Variants in LLGL1 observed in about 807,000 individuals in gnomAD.
LLGL1 encodes the protein LLGL scribble cell polarity complex component 1.
LLGL1 carries 58 observed loss-of-function variants against 110.6 expected under a neutral mutation model. That is an observed-to-expected ratio of 0.52 (90% CI 0.42 to 0.65). The LOEUF is 0.65. Among genes scored for constraint, LLGL1 ranks in the 30% least tolerant of loss-of-function variants. LLGL1 has a pLI of 0.00. For missense variants in LLGL1, 1,229 were observed against 1,462.1 expected (o/e 0.84, Z 2.60); for synonymous variants, 674 against 607.2 (o/e 1.11, Z -1.62).
rs2047842931 is a variant in LLGL1 at position 18,241,903 on chromosome 17, C to T, written c.2786C>T (p.Pro929Leu). ...RHGQGFYLIS[P>L]SEFERFSLSA... The stretch of plus-strand genomic sequence containing the variant: ...CACCCAGGCTTTTACCTGATATCCC[C>T]ATCAGAATTTGAACGCTTCTCCCTA... The change falls in exon 19 of 23, where the codon CCA becomes CTA. Residue 929 changes from proline to leucine, a missense_variant. Transcript: ENST00000316843. 6.2e-7 allele frequency: 1 copy of T among 1,613,788 alleles called. No homozygotes were observed. Among genetic ancestry groups the T allele is most frequent in the African/African-American group, 1.3e-5 (1 of 74,932 alleles).
In LLGL1 at chr17:18,244,331, T is replaced by G. The variant is rs1207209885; in HGVS notation, c.*425T>G. On this transcript the variant is annotated 3_prime_UTR_variant, in exon 23 of 23. Coordinates refer to ENST00000316843, the MANE Select transcript of LLGL1 (RefSeq NM_004140.4). ...ATCTCTGCTCACTGCAAGCCCCGCC[T>G]TCTGGGTTCCCGCCATTCTTCTGCC... The G allele has an allele frequency of 5.3e-5, 8 of 151,574 alleles. No homozygotes were observed. Among genetic ancestry groups the G allele is most frequent in the Admixed American group, 1.3e-4 (2 of 15,222 alleles). The allele number at this position is 151,574 out of a possible 1,614,324, so 9.4% of individuals were successfully genotyped here. A position where few individuals can be genotyped will look rare whatever the true frequency, so the allele number is the denominator to read the frequency against.
chr17:18,243,684 C>T (rs1331620184), intron 22 of LLGL1, among the ~76,000 whole-genome samples: 6 of 152,092 alleles, frequency 3.9e-5, no homozygotes, highest in African/African-American at 1.4e-4. Context: ...CCTCCCAGCT[C>T]TTTGTCTGGT....
intron 18 of LLGL1, 59 bp downstream of exon 18, chr17:18,241,774 G>A (rs2047838398): frequency 1.2e-6 from 2 of 1,608,316 alleles, no homozygotes; most frequent in African/African-American, 2.7e-5. Context: ...AGTGGGACCA[G>A]TACTGCTTGG....
chr17:18,235,463 C>T lies in LLGL1; in HGVS notation c.1285-7C>T. The T allele has an allele frequency of 6.2e-7, 1 of 1,614,102 alleles. No homozygotes were observed. Among genetic ancestry groups the T allele is most frequent in the Non-Finnish European group, 8.5e-7 (1 of 1,180,004 alleles). On this transcript the variant is annotated splice_polypyrimidine_tract_variant and splice_region_variant and intron_variant, in intron 10 of 22. Coordinates refer to ENST00000316843, the MANE Select transcript of LLGL1 (RefSeq NM_004140.4). ...CTTGTGCATACATCTCTGCCACCCC[C>T]TCCCAGAGCTGGCCCATCACTGGGG...
At chr17:18,243,741 A>G (rs1467091180) in intron 22 of LLGL1, among the ~76,000 whole-genome samples, 167 bp from the exon 23 acceptor site, 1 of 152,114 alleles carries the variant, frequency 6.6e-6, no homozygotes, top group Non-Finnish European at 1.5e-5. Flanking sequence ...GCGCTTGGAT[A>G]CCCATCTGGA....
Position 18,238,191 on chromosome 17 carries a change from C to T in LLGL1, c.2029C>T (p.Arg677Trp), listed in dbSNP as rs377439323. The change falls in exon 15 of 23, where the codon CGG becomes TGG. Residue 677 changes from arginine (R) to tryptophan (W), a missense_variant. By Grantham distance (101) the Arg-to-Trp change is moderately radical (BLOSUM62 -3). Transcript: ENST00000316843. ...CAAGAGTCGTGTCTCTGGCAAGAAGCGGGCTGCTAATGCCAGCAGCAAGGT... is the reference window on the plus strand; with the variant it reads ...CAAGAGTCGTGTCTCTGGCAAGAAGTGGGCTGCTAATGCCAGCAGCAAGGT... ...IRKSRVSGKK[R>W]AANASSKLQE... 9.3e-6 allele frequency: 15 copies of T among 1,612,038 alleles called. No homozygotes were observed. Among genetic ancestry groups the T allele is most frequent in the Admixed American group, 1.7e-5 (1 of 60,004 alleles).
In LLGL1 at chr17:18,241,031, G is replaced by C. The variant is rs1597879317; in HGVS notation, c.2502+158G>C. The C allele has an allele frequency of 1.1e-5, 9 of 809,430 alleles. No homozygotes were observed. The East Asian group carries it at 2.5e-4, about 22-fold the overall frequency. 50.1% of individuals were successfully genotyped at this position (809,430 alleles called of 1,614,324 possible). ...CCAGAAAACACTCCCAGCCAGCAGA[G>C]AACTCCTACCCAAGAACCCTGATGC... On this transcript the variant is annotated intron_variant, in intron 17 of 22. Transcript: ENST00000316843.
At chr17:18,233,617 G>A (rs544986187) in intron 4 of LLGL1, among the ~76,000 whole-genome samples, 161 bp from the exon 5 acceptor site, 2 of 152,194 alleles carry the variant, frequency 1.3e-5, no homozygotes, top group South Asian at 2.1e-4. Flanking sequence ...AATTGAGCGG[G>A]CTGATGATGA....
chr17:18,227,444 G>T (rs145223141), intron 1 of LLGL1, among the ~76,000 whole-genome samples: 1,523 of 151,798 alleles, frequency 0.01, 23 homozygotes, highest in African/African-American at 0.035. Context: ...CTGGAGTGCA[G>T]TGGCACAATC....
chr17:18,235,785 C>T, intron 11 of LLGL1: 1 of 526,686 alleles, frequency 1.9e-6, no homozygotes, highest in Non-Finnish European at 3.4e-6. Flanking sequence ...GCCCAGCCTG[C>T]CTGCCCTGGG....
intron 14 of LLGL1, 42 bp downstream of exon 14, chr17:18,237,815 G>C (rs762260075): frequency 6.4e-7 from 1 of 1,565,818 alleles, no homozygotes; most frequent in Admixed American, 1.7e-5. Flanking sequence ...AGCCCCCAGC[G>C]AGATGGGGTC....
intron 2 of LLGL1, among the ~76,000 whole-genome samples, chr17:18,231,648 G>T (rs1274071670): frequency 2.0e-5 from 3 of 152,140 alleles, no homozygotes; most frequent in Non-Finnish European, 2.9e-5. Context: ...GGAGGGAGGT[G>T]GGTTTTTTTT....
chr17:18,242,112 G>C (rs970276970), intron 19 of LLGL1, 54 bp from the exon 20 acceptor site: 1 of 1,553,410 alleles, frequency 6.4e-7, no homozygotes, highest in African/African-American at 1.4e-5. Context: ...AGGATCTAGC[G>C]TGCCAGCCTC....
Position 18,241,435 on chromosome 17 carries a change from A to C in LLGL1, c.2503-16A>C, listed in dbSNP as rs745400336. 3 of 1,606,730 alleles carry C rather than the reference A, an allele frequency of 1.9e-6. No homozygotes were observed. Among genetic ancestry groups the C allele is most frequent in the Non-Finnish European group, 1.7e-6 (2 of 1,176,148 alleles). On this transcript the variant is annotated splice_polypyrimidine_tract_variant and intron_variant, in intron 17 of 22. Coordinates refer to ENST00000316843, the MANE Select transcript of LLGL1 (RefSeq NM_004140.4). Reference sequence around the variant, plus strand: ...GACAGGGCCAGGCTTTGTGCTCACCAGCCACCTGCTGTCAGGTGTTCACAC... The same window carrying C: ...GACAGGGCCAGGCTTTGTGCTCACCCGCCACCTGCTGTCAGGTGTTCACAC...
intron 16 of LLGL1, among the ~76,000 whole-genome samples, chr17:18,239,835 G>T (rs753405921): frequency 4.6e-5 from 7 of 152,042 alleles, no homozygotes; most frequent in Non-Finnish European, 1.0e-4. Context: ...CGAGAAGGCC[G>T]ATGGGTTCAT....
chr17:18,233,125 C>G (rs1309289115), intron 4 of LLGL1, among the ~76,000 whole-genome samples: 1 of 152,144 alleles, frequency 6.6e-6, no homozygotes, highest in Non-Finnish European at 1.5e-5. Flanking sequence ...ATGGGGGTGT[C>G]TAGGGGTTTG....
intron 22 of LLGL1, among the ~76,000 whole-genome samples, chr17:18,243,598 C>T (rs910369614): frequency 2.0e-5 from 3 of 152,216 alleles, no homozygotes; most frequent in Middle Eastern, 3.2e-3. Context: ...CATAGATCTG[C>T]CCAGCGCATT....
Position 18,238,623 on chromosome 17 carries a change from AG to A in LLGL1, c.2206+18del. The stretch of plus-strand genomic sequence containing the variant: ...TCCTTCGAGATGGTAAGGCAGGGGC[AG>A]GGGCAGGGACAGGGCAAGGGTTGGG... On this transcript the variant is annotated intron_variant, in intron 16 of 22. Coordinates refer to ENST00000316843, the MANE Select transcript of LLGL1 (RefSeq NM_004140.4). 6.2e-7 allele frequency: 1 copy of A among 1,606,280 alleles called. No individual in the cohort carries two copies. Among genetic ancestry groups the A allele is most frequent in the Non-Finnish European group, 8.5e-7 (1 of 1,177,068 alleles).
chr17:18,237,478 C>T lies in LLGL1; in HGVS notation c.1612-3C>T, dbSNP rs1198257167. ...TGCTCCCCCTGCCTGGCTGTGGGCT[C>T]AGGTGCTGGTACTGGAGCTTAGTGA... On this transcript the variant is annotated splice_region_variant and splice_polypyrimidine_tract_variant and intron_variant, in intron 13 of 22. Transcript: ENST00000316843. 6.4e-7 allele frequency: 1 copy of T among 1,573,592 alleles called. No homozygotes were observed. Among genetic ancestry groups the T allele is most frequent in the Non-Finnish European group, 8.7e-7 (1 of 1,155,664 alleles).
Sources: allele counts gnomAD v4.1 joint callset (sites outside exome capture counted in the v4.1 genomes callset), GRCh38; gene constraint gnomAD v4.1.1; transcripts MANE v1.5; gene names NCBI Gene and HGNC (gene_info 2026-07-23, HGNC 2026-07-21).